The following ESR1 variants were observed in gnomAD, a reference collection of about 807,000 sequenced individuals.
ESR1 encodes the protein estrogen receptor.
Under a neutral mutation model 52.7 loss-of-function variants are expected in ESR1, and 12 were observed. The ratio of observed to expected loss-of-function variants is 0.23; its 90% CI spans 0.15 to 0.37. The LOEUF (loss-of-function observed/expected upper bound fraction) is 0.37, where lower values mean the gene tolerates loss of function less well. Among genes scored for constraint, ESR1 ranks in the 10% least tolerant of loss-of-function variants. The pLI is 1.00. For missense variants in ESR1, 584 were observed against 779.7 expected, an observed-to-expected ratio of 0.75 and a Z score of 2.99; for synonymous variants, 305 against 316.8, an observed-to-expected ratio of 0.96 and a Z score of 0.39.
intron 4 of ESR1, among the ~76,000 whole-genome samples, chr6:151,953,241 T>C (rs1200428869): frequency 6.6e-6 from 1 of 152,144 alleles, no homozygotes; most frequent in Non-Finnish European, 1.5e-5. Context: ...CATTGTGTGC[T>C]AACCTCTCTG....
chr6:151,955,444 T>C (rs1309308863), intron 4 of ESR1, among the ~76,000 whole-genome samples: 2 of 152,124 alleles, frequency 1.3e-5, no homozygotes, highest in African/African-American at 4.8e-5. Context: ...GTAGCATATA[T>C]AAAAAAGAAA....
chr6:152,083,815 C>G (rs1222763800), intron 6 of ESR1, among the ~76,000 whole-genome samples: 1 of 151,952 alleles, frequency 6.6e-6, no homozygotes, highest in Non-Finnish European at 1.5e-5. Flanking sequence ...CACCTTTACA[C>G]TGTTGGTGGG....
At position 152,062,428 on chromosome 6, in the gene ESR1, A is replaced by G. The variant is rs113167861; in HGVS notation, c.1369+1304A>G. On this transcript the variant is annotated intron_variant, in intron 6 of 7. Transcript: ENST00000206249. Reference sequence around the variant, plus strand: ...TTCTCACTTATCAACTAATAAATGGAAATCTGTACTATTACACTAGGCAAG... The same window carrying G: ...TTCTCACTTATCAACTAATAAATGGGAATCTGTACTATTACACTAGGCAAG... Among the ~76,000 whole-genome samples, 106 of 152,346 alleles carry G rather than the reference A, an allele frequency of 7.0e-4. 1 individual carries two copies. Among genetic ancestry groups the G allele is most frequent in the African/African-American group, 2.5e-3 (104 of 41,588 alleles).
At chr6:151,692,556 G>A (rs1305079933) in intron 1 of ESR1, among the ~76,000 whole-genome samples, 1 of 152,200 alleles carries the variant, frequency 6.6e-6, no homozygotes, top group East Asian at 1.9e-4. Flanking sequence ...CTATGGCAGT[G>A]GAGATATGGT....
chr6:151,838,199 A>G (rs1783698486), intron 1 of ESR1, among the ~76,000 whole-genome samples: 1 of 152,196 alleles, frequency 6.6e-6, no homozygotes, highest in Non-Finnish European at 1.5e-5. Flanking sequence ...ATGGTACAGA[A>G]AAACAAAGGG....
At chr6:151,846,912 T>C (rs1785219710) in intron 2 of ESR1, among the ~76,000 whole-genome samples, 2 of 152,174 alleles carry the variant, frequency 1.3e-5, no homozygotes, top group Admixed American at 6.5e-5. Context: ...GATACTACCT[T>C]TGAGTATTAC....
At chr6:151,784,218 T>A (rs1434174475) in intron 2 of ESR1, among the ~76,000 whole-genome samples, 1 of 152,182 alleles carries the variant, frequency 6.6e-6, no homozygotes, top group Admixed American at 6.5e-5. Flanking sequence ...GAGAGTTGTG[T>A]ATGTACACAA....
chr6:152,013,723 A>G (rs189520298), intron 5 of ESR1, among the ~76,000 whole-genome samples: 137 of 152,224 alleles, frequency 9.0e-4, no homozygotes, highest in Non-Finnish European at 1.7e-3. Flanking sequence ...AGTGGTGGCT[A>G]ATTTTCTTTC....
intron 1 of ESR1, among the ~76,000 whole-genome samples, chr6:151,831,106 G>A (rs960403287): frequency 2.6e-5 from 4 of 150,982 alleles, no homozygotes; most frequent in African/African-American, 9.7e-5. Flanking sequence ...AAGTATTGCT[G>A]TCCTTACAAT....
intron 2 of ESR1, among the ~76,000 whole-genome samples, chr6:151,785,009 A>T (rs756364589): frequency 6.6e-6 from 1 of 152,220 alleles, no homozygotes; most frequent in Non-Finnish European, 1.5e-5. Flanking sequence ...AGGCCCACCC[A>T]TGTTATGAGG....
intron 7 of ESR1, chr6:152,096,750 CCT>C (rs1207668482): frequency 6.6e-6 from 3 of 454,006 alleles, no homozygotes; most frequent in East Asian, 7.0e-5. Context: ...TCCAGTCTCC[CCT>C]GTCTTTTTCT....
At chr6:151,914,342 A>G (rs1259062753) in intron 3 of ESR1, among the ~76,000 whole-genome samples, 1 of 152,218 alleles carries the variant, frequency 6.6e-6, no homozygotes, top group Non-Finnish European at 1.5e-5. Flanking sequence ...GATTGAACCA[A>G]ACTTTTCATC....
intron 4 of ESR1, among the ~76,000 whole-genome samples, chr6:151,993,400 G>A (rs574058697): frequency 5.9e-5 from 9 of 152,170 alleles, no homozygotes; most frequent in South Asian, 2.1e-4. Context: ...TCTCTGGGTC[G>A]GACTTGGCCC....
chr6:152,075,206 A>G (rs905746308), intron 6 of ESR1, among the ~76,000 whole-genome samples: 2 of 152,208 alleles, frequency 1.3e-5, no homozygotes, highest in South Asian at 2.1e-4. Flanking sequence ...TCTTGCTTTA[A>G]TCAGAGAAGT....
intron 6 of ESR1, among the ~76,000 whole-genome samples, chr6:152,067,033 G>T (rs1371914862): frequency 6.6e-6 from 1 of 152,138 alleles, no homozygotes; most frequent in Non-Finnish European, 1.5e-5. Flanking sequence ...CCTTAGTTTT[G>T]TCACTATGAA....
intron 2 of ESR1, among the ~76,000 whole-genome samples, chr6:151,784,213 T>C (rs1308784684): frequency 1.3e-5 from 2 of 151,928 alleles, no homozygotes; most frequent in African/African-American, 4.8e-5. Context: ...TCTTTGAGAG[T>C]TGTGTATGTA....
At chr6:151,988,478 C>T (rs560269711) in intron 4 of ESR1, among the ~76,000 whole-genome samples, 32 of 152,158 alleles carry the variant, frequency 2.1e-4, no homozygotes, top group Non-Finnish European at 4.0e-4. Flanking sequence ...TCCTGTTGGG[C>T]GGCCCAGTTC....
chr6:151,728,525 C>T lies in ESR1; in HGVS notation c.-71+26520C>T, dbSNP rs868689908. ...TATCTGAAATATTCAATGACTTATA[C>T]CTTTGAATTTTTTGGCAGCTTTGTG... On this transcript the variant is annotated intron_variant, in intron 2 of 2. Transcript: ENST00000404742. 1.3e-5 allele frequency among the ~76,000 whole-genome samples: 2 copies of T among 152,112 alleles called. 1 individual carries two copies. Among genetic ancestry groups the T allele is most frequent in the South Asian group, 4.1e-4 (2 of 4,834 alleles).
At chr6:151,980,521 T>G (rs577864639) in intron 4 of ESR1, among the ~76,000 whole-genome samples, 1 of 152,300 alleles carries the variant, frequency 6.6e-6, no homozygotes, top group South Asian at 2.1e-4. Flanking sequence ...AAAACTTTCT[T>G]TTCTATATAG....
Sources: allele counts gnomAD v4.1 joint callset (sites outside exome capture counted in the v4.1 genomes callset), GRCh38; gene constraint gnomAD v4.1.1; transcripts MANE v1.5; gene names NCBI Gene and HGNC (gene_info 2026-07-23, HGNC 2026-07-21).